MECOM: variants seen among roughly 807,000 people sequenced by gnomAD.
MECOM encodes the protein MDS1 and EVI1 complex locus, also known as histone-lysine N-methyltransferase MECOM.
In MECOM, 13 loss-of-function variants were observed where a neutral mutation model predicts 116.3. The observed-to-expected ratio is 0.11, with a 90% CI of 0.07 to 0.18. MECOM has a LOEUF of 0.18. MECOM is among the 10% of genes least tolerant of loss of function. The probability of loss-of-function intolerance (pLI) is 1.00; values close to 1 mark genes in which losing one functional copy is unlikely to be tolerated. For missense variants in MECOM, 1,299 were observed against 1,509.0 expected, an observed-to-expected ratio of 0.86 and a Z score of 2.31; for synonymous variants, 528 against 535.2, an observed-to-expected ratio of 0.99 and a Z score of 0.19.
chr3:169,141,174 T>G (rs1737993908), intron 3 of MECOM, among the ~76,000 whole-genome samples: 1 of 152,114 alleles, frequency 6.6e-6, no homozygotes, highest in East Asian at 1.9e-4. Flanking sequence ...ATTATTACCA[T>G]GACTAACTTG....
rs571867002 is a variant in MECOM, at chr3:169,482,624, G to A, written c.38-101100C>T. On this transcript the variant is annotated intron_variant, in intron 1 of 16. Transcript: ENST00000651503. Reference sequence around the variant, plus strand: ...GCTGGGATTACGGGCGTGAGCCACCGCGCCCGGCAACCCACCTTCTAACAA... The same window carrying A: ...GCTGGGATTACGGGCGTGAGCCACCACGCCCGGCAACCCACCTTCTAACAA... 1.2e-3 allele frequency among the ~76,000 whole-genome samples: 177 copies of A among 152,128 alleles called. 1 individual carries two copies. The highest frequency in any genetic ancestry group is 3.4e-3 in the Middle Eastern group (1 of 294).
chr3:169,192,413 C>T (rs941792213), intron 2 of MECOM, among the ~76,000 whole-genome samples: 1 of 151,900 alleles, frequency 6.6e-6, no homozygotes, highest in African/African-American at 2.4e-5. Flanking sequence ...TTAGCATTTC[C>T]TAAAACCTCA....
intron 1 of MECOM, among the ~76,000 whole-genome samples, chr3:169,632,050 ACT>A (rs1772161619): frequency 6.6e-6 from 1 of 151,832 alleles, no homozygotes; most frequent in Non-Finnish European, 1.5e-5. Flanking sequence ...AAGTTTAGGG[ACT>A]CTGTCTACAC....
At chr3:169,128,539 C>T (rs946244314) in intron 4 of MECOM, among the ~76,000 whole-genome samples, 3 of 152,114 alleles carry the variant, frequency 2.0e-5, no homozygotes, top group African/African-American at 4.8e-5. Context: ...ATTTCTATTC[C>T]ATACACTTCT....
intron 2 of MECOM, among the ~76,000 whole-genome samples, chr3:169,243,792 C>T (rs999104843): frequency 4.6e-5 from 7 of 152,130 alleles, no homozygotes; most frequent in Non-Finnish European, 2.9e-5. Flanking sequence ...CCTGTTACTC[C>T]GGAGTTTACT....
rs564409949 is a variant in MECOM, at chr3:169,093,639, G to A, written c.3020-537C>T. ...AGAACACTCCAGTCCAGGGGTTGGT[G>A]CAGTATTAAAAGGACAATATTAGAT... On this transcript the variant is annotated intron_variant, in intron 13 of 16. Transcript: ENST00000651503. Among the ~76,000 whole-genome samples, 14 of 152,306 alleles carry A rather than the reference G, an allele frequency of 9.2e-5. No homozygotes were observed. In the South Asian group the frequency reaches 2.9e-3, roughly 32 times the overall value.
chr3:169,578,909 T>C (rs1560455415), intron 1 of MECOM, among the ~76,000 whole-genome samples: 1 of 152,210 alleles, frequency 6.6e-6, no homozygotes, highest in Non-Finnish European at 1.5e-5. Context: ...ACCATTGCCA[T>C]TTCCCAAGCT....
intron 14 of MECOM, among the ~76,000 whole-genome samples, chr3:169,092,121 G>A (rs1203990045): frequency 6.6e-6 from 1 of 151,872 alleles, no homozygotes; most frequent in Non-Finnish European, 1.5e-5. Context: ...TGAAGTGCTG[G>A]GTAACTGTTA....
intron 1 of MECOM, among the ~76,000 whole-genome samples, chr3:169,414,774 A>T (rs1738243427): frequency 1.3e-5 from 2 of 152,184 alleles, no homozygotes; most frequent in Non-Finnish European, 2.9e-5. Context: ...AAGTGGAAGA[A>T]AGGGTATCAG....
intron 2 of MECOM, among the ~76,000 whole-genome samples, chr3:169,314,257 T>G (rs1055721254): frequency 6.6e-6 from 1 of 152,252 alleles, no homozygotes; most frequent in Non-Finnish European, 1.5e-5. Flanking sequence ...GCATAGTAAC[T>G]GTCTTCCTCC....
At chr3:169,644,826 T>G (rs1356140424) in intron 1 of MECOM, among the ~76,000 whole-genome samples, 1 of 152,166 alleles carries the variant, frequency 6.6e-6, no homozygotes, top group Non-Finnish European at 1.5e-5. Flanking sequence ...TTATTAATAG[T>G]TTTGAAACAA....
intron 2 of MECOM, among the ~76,000 whole-genome samples, chr3:169,360,193 C>A (rs1727975455): frequency 6.7e-6 from 1 of 149,630 alleles, no homozygotes; most frequent in African/African-American, 2.5e-5. Flanking sequence ...TTTCCAGTAG[C>A]ATATATTTTG....
chr3:169,451,789 T>C (rs574324864), intron 1 of MECOM, among the ~76,000 whole-genome samples: 1 of 152,204 alleles, frequency 6.6e-6, no homozygotes, highest in East Asian at 1.9e-4. Flanking sequence ...TAATTACATA[T>C]GAATAAGAAT....
At chr3:169,360,508 C>A (rs1018693620) in intron 2 of MECOM, among the ~76,000 whole-genome samples, 1 of 151,232 alleles carries the variant, frequency 6.6e-6, no homozygotes, top group Admixed American at 6.6e-5. Flanking sequence ...CAACCAGGTA[C>A]CATAATTAAA....
intron 1 of MECOM, among the ~76,000 whole-genome samples, chr3:169,405,261 C>A (rs1257274699): frequency 6.6e-6 from 1 of 152,004 alleles, no homozygotes; most frequent in East Asian, 1.9e-4. Flanking sequence ...CTCTCTCTCT[C>A]TCATTAGATC....
At chr3:169,174,737 G>A (rs1410401731) in intron 2 of MECOM, among the ~76,000 whole-genome samples, 7 of 151,980 alleles carry the variant, frequency 4.6e-5, no homozygotes, top group African/African-American at 1.5e-4. Flanking sequence ...AGCATAAGAC[G>A]AGGTCATTTC....
At chr3:169,318,931 G>A (rs554500534) in intron 2 of MECOM, among the ~76,000 whole-genome samples, 7 of 151,724 alleles carry the variant, frequency 4.6e-5, no homozygotes, top group South Asian at 4.2e-4. Context: ...AAACCTCGTC[G>A]CTATTAAAAA....
At chr3:169,337,065 T>C (rs554721181) in intron 2 of MECOM, among the ~76,000 whole-genome samples, 7 of 152,180 alleles carry the variant, frequency 4.6e-5, no homozygotes, top group Non-Finnish European at 8.8e-5. Flanking sequence ...TCTGTCTTCA[T>C]GTATGATTGC....
At chr3:169,251,378 TAGAA>T (rs1471016246) in intron 2 of MECOM, among the ~76,000 whole-genome samples, 1 of 152,182 alleles carries the variant, frequency 6.6e-6, no homozygotes, top group African/African-American at 2.4e-5. Context: ...AAAGTTTCTT[TAGAA>T]AGAAAGTTGG....
Sources: allele counts gnomAD v4.1 joint callset (sites outside exome capture counted in the v4.1 genomes callset), GRCh38; gene constraint gnomAD v4.1.1; transcripts MANE v1.5; gene names NCBI Gene and HGNC (gene_info 2026-07-23, HGNC 2026-07-21).